The following EPN1 variants were observed in gnomAD, a reference collection of about 807,000 sequenced individuals.
The protein encoded by EPN1 is epsin 1, also known as epsin-1.
A neutral mutation model predicts 56.9 loss-of-function variants in EPN1; 25 were observed. The ratio of observed to expected loss-of-function variants is 0.44; its 90% CI spans 0.32 to 0.61. EPN1 has a LOEUF of 0.61. Ranked by LOEUF, EPN1 falls within the 20% of genes least tolerant of loss-of-function variation. The probability of loss-of-function intolerance (pLI) is 0.05; values close to 1 mark genes in which losing one functional copy is unlikely to be tolerated. For missense variants in EPN1, 785 were observed against 823.7 expected (o/e 0.95, Z 0.58); for synonymous variants, 411 against 361.8 (o/e 1.14, Z -1.54).
rs761301947 is a variant in EPN1 at position 55,691,966 on chromosome 19, C to T, written c.975C>T (p.Ala325=). The part of the protein sequence containing the change: ...PASGDPWRPA[A]PAGPSVDPWG... The stretch of plus-strand genomic sequence containing the variant: ...CTGGGGACCCCTGGAGGCCTGCTGC[C>T]CCTGCAGGACCCTCAGTTGACCCTT... The change falls in exon 7 of 11, where the codon GCC becomes GCT. Residue 325 remains alanine (A), a synonymous_variant. Transcript: ENST00000270460. The surrounding 1 kb of genome is among the most constrained non-coding windows in gnomAD (Gnocchi z 5.6). The T allele has an allele frequency of 8.5e-5, 128 of 1,509,592 alleles. No individual in the cohort carries two copies. In the East Asian group the frequency reaches 3.0e-3, roughly 35 times the overall value. 93.5% of individuals were successfully genotyped at this position (1,509,592 alleles called of 1,614,324 possible). A position where few individuals can be genotyped will look rare whatever the true frequency, so the allele number is the denominator to read the frequency against.
intron 7 of EPN1, among the ~76,000 whole-genome samples, chr19:55,692,364 C>G (rs1986616105): frequency 6.6e-6 from 1 of 150,406 alleles, no homozygotes; most frequent in Non-Finnish European, 1.5e-5. Flanking sequence ...GTGGGTGGAG[C>G]TGGGAGGTGC....
intron 3 of EPN1, among the ~76,000 whole-genome samples, chr19:55,686,315 C>T (rs1236310191): frequency 1.3e-5 from 2 of 152,164 alleles, no homozygotes; most frequent in African/African-American, 2.4e-5. Context: ...GGCTCACAGC[C>T]GTGAAGAGGC....
intron 2 of EPN1, among the ~76,000 whole-genome samples, chr19:55,679,894 G>A (rs892815503): frequency 6.6e-6 from 1 of 152,210 alleles, no homozygotes; most frequent in African/African-American, 2.4e-5. Flanking sequence ...GGAGGTGCAG[G>A]TGAGCCTCTC....
At chr19:55,686,714 G>C (rs1332554121) in intron 3 of EPN1, among the ~76,000 whole-genome samples, 2 of 152,124 alleles carry the variant, frequency 1.3e-5, no homozygotes, top group Admixed American at 6.5e-5. Context: ...GTGAAGTGGA[G>C]GGAAGGAAGC....
intron 6 of EPN1, 67 bp downstream of exon 6, chr19:55,690,017 G>A: frequency 7.1e-7 from 1 of 1,412,064 alleles, no homozygotes; most frequent in Non-Finnish European, 9.7e-7. Flanking sequence ...GCTCATTCCT[G>A]CGTGGCCAGG....
chr19:55,677,124 T>A, intron 1 of EPN1: 1 of 1,550,718 alleles, frequency 6.4e-7, no homozygotes, highest in South Asian at 1.2e-5. Context: ...GCTTACATCA[T>A]GGCGGGGCTT....
At chr19:55,688,757 G>T in intron 3 of EPN1, 113 bp from the exon 4 acceptor site, 1 of 1,450,486 alleles carries the variant, frequency 6.9e-7, no homozygotes, top group South Asian at 1.3e-5. Flanking sequence ...GTTGTAGGGT[G>T]GGGGACTTGG....
At chr19:55,678,906 G>A (rs925812214) in intron 2 of EPN1, 51 bp downstream of exon 2, 5 of 1,348,820 alleles carry the variant, frequency 3.7e-6, no homozygotes, top group Non-Finnish European at 5.2e-6. Context: ...CAGGTGGGAG[G>A]ACAGGAGCCC....
Position 55,697,229 on chromosome 19 carries a change from TGGG to T in EPN1, c.*1876_*1878del, listed in dbSNP as rs1324034621. 6.6e-6 allele frequency: 1 copy of T among 151,976 alleles called. No individual in the cohort carries two copies. Among genetic ancestry groups the T allele is most frequent in the Non-Finnish European group, 1.5e-5 (1 of 68,004 alleles). The allele number at this position is 151,976 out of a possible 1,614,324, so 9.4% of individuals were successfully genotyped here. A position where few individuals can be genotyped will look rare whatever the true frequency, so the allele number is the denominator to read the frequency against. On this transcript the variant is annotated 3_prime_UTR_variant, in exon 11 of 11. Coordinates refer to ENST00000270460, the MANE Select transcript of EPN1 (RefSeq NM_001130072.2). ...ACCCTGCTGCTCTAGGCGGTTGTGA[TGGG>T]GGAGCCCCACAGGGCACAGAGAGCC...
In EPN1 at chr19:55,698,016, C is replaced by G. The variant is rs181648643; in HGVS notation, c.*2660C>G. 3.3e-5 allele frequency: 5 copies of G among 151,084 alleles called. No individual in the cohort carries two copies. Among genetic ancestry groups the G allele is most frequent in the Non-Finnish European group, 7.4e-5 (5 of 67,906 alleles). 9.4% of individuals were successfully genotyped at this position (151,084 alleles called of 1,614,324 possible). ...TCACTAAGAGCAAACCTCAGGGGTC[C>G]GGGGGTTTTCGGCTAAACCCACCTA... On this transcript the variant is annotated 3_prime_UTR_variant, in exon 11 of 11. Coordinates refer to ENST00000270460, the MANE Select transcript of EPN1 (RefSeq NM_001130072.2).
At position 55,695,703 on chromosome 19, in the gene EPN1, C is replaced by G. The variant is rs774219702; in HGVS notation, c.*347C>G. On this transcript the variant is annotated 3_prime_UTR_variant, in exon 11 of 11. Coordinates refer to ENST00000270460, the MANE Select transcript of EPN1 (RefSeq NM_001130072.2). The surrounding 1 kb of genome is among the most constrained non-coding windows in gnomAD (Gnocchi z 4.4). ...CCTCACGCACCCGCTCACGCACCCT[C>G]GGTGAATCCTTGGTGATGATTTTGG... The G allele has an allele frequency of 3.5e-6, 1 of 283,032 alleles. No individual in the cohort carries two copies. The highest frequency in any genetic ancestry group is 6.6e-5 in the East Asian group (1 of 15,038). The allele number at this position is 283,032 out of a possible 1,614,324, so 17.5% of individuals were successfully genotyped here.
chr19:55,682,062 T>TC (rs1184009173), intron 2 of EPN1, among the ~76,000 whole-genome samples: 1 of 152,044 alleles, frequency 6.6e-6, no homozygotes, highest in Non-Finnish European at 1.5e-5. Flanking sequence ...TGCCTTGGCT[T>TC]CCCAAAGGGC....
Position 55,703,201 on chromosome 19 carries a change from C to T in EPN1, c.*7845C>T, listed in dbSNP as rs1987232953. 1 of 152,316 alleles carries T rather than the reference C, an allele frequency of 6.6e-6. No individual in the cohort carries two copies. Among genetic ancestry groups the T allele is most frequent in the Non-Finnish European group, 1.5e-5 (1 of 68,182 alleles). 9.4% of individuals were successfully genotyped at this position (152,316 alleles called of 1,614,324 possible). A position where few individuals can be genotyped will look rare whatever the true frequency, so the allele number is the denominator to read the frequency against. On this transcript the variant is annotated 3_prime_UTR_variant, in exon 11 of 11. Transcript: ENST00000270460. ...AATGGAGGGGAGGGCGTGTGTGTGG[C>T]CACGTGTGTTTCTGTCCTGGACAAC...
At position 55,696,327 on chromosome 19, in the gene EPN1, C is replaced by A. The variant is rs530583392; in HGVS notation, c.*971C>A. ...AGACTATCCGGGAGAATCCTCGGGC[C>A]GCCTTGTGAGGGGGGTGTTGCTGTC... On this transcript the variant is annotated 3_prime_UTR_variant, in exon 11 of 11. Transcript: ENST00000270460. 6.6e-6 allele frequency: 1 copy of A among 152,346 alleles called. No homozygotes were observed. The highest frequency in any genetic ancestry group is 1.5e-5 in the Non-Finnish European group (1 of 68,188). 9.4% of individuals were successfully genotyped at this position (152,346 alleles called of 1,614,324 possible). A position where few individuals can be genotyped will look rare whatever the true frequency, so the allele number is the denominator to read the frequency against.
At chr19:55,684,041 A>T (rs1568568656) in intron 2 of EPN1, among the ~76,000 whole-genome samples, 1 of 152,192 alleles carries the variant, frequency 6.6e-6, no homozygotes, top group Non-Finnish European at 1.5e-5. Flanking sequence ...TTGGGGTGTG[A>T]TCAGGCATAG....
chr19:55,692,689 G>A lies in EPN1; in HGVS notation c.1070G>A (p.Gly357Glu), dbSNP rs1177791923. ...ATGCTCTTCTGTCCTCACCCAGGTG[G>A]GGTCCCGGTCAGTGGGCCCTCAGCC... Reference protein sequence around the residue: ...TPDPWGSSDGGVPVSGPSASD... With the variant: ...TPDPWGSSDGEVPVSGPSASD... The change falls in exon 8 of 11, where the codon GGG (glycine) becomes GAG (glutamate). Residue 357 changes from glycine (G) to glutamate (E), a missense_variant. By Grantham distance (98) the Gly-to-Glu change is moderately conservative (BLOSUM62 -2). Transcript: ENST00000270460. 3.3e-6 allele frequency: 5 copies of A among 1,537,136 alleles called. No individual in the cohort carries two copies. Among genetic ancestry groups the A allele is most frequent in the African/African-American group, 1.4e-5 (1 of 72,814 alleles).
At position 55,703,541 on chromosome 19, in the gene EPN1, C is replaced by T. The variant is rs1183844352; in HGVS notation, c.*8185C>T. 2 of 152,188 alleles carry T rather than the reference C, an allele frequency of 1.3e-5. No homozygotes were observed. Among genetic ancestry groups the T allele is most frequent in the African/African-American group, 4.8e-5 (2 of 41,426 alleles). The allele number at this position is 152,188 out of a possible 1,614,324, so 9.4% of individuals were successfully genotyped here. A position where few individuals can be genotyped will look rare whatever the true frequency, so the allele number is the denominator to read the frequency against. On this transcript the variant is annotated 3_prime_UTR_variant, in exon 11 of 11. Transcript: ENST00000270460. ...GTTTCACCACGTTGGCCAGGCTGGTCTGGAACTCCTGACCTCAGGTGATCC... is the reference window on the plus strand; with the variant it reads ...GTTTCACCACGTTGGCCAGGCTGGTTTGGAACTCCTGACCTCAGGTGATCC...
rs1431862522 is a variant in EPN1 at position 55,701,269 on chromosome 19, C to G, written c.*5913C>G. On this transcript the variant is annotated 3_prime_UTR_variant, in exon 11 of 11. Coordinates refer to ENST00000270460, the MANE Select transcript of EPN1 (RefSeq NM_001130072.2). The stretch of plus-strand genomic sequence containing the variant: ...TTCGAGACCAGCCTGGCCAACATGG[C>G]GAAACCCCGTCTCTACTAAAAATAC... 1 of 150,382 alleles carries G rather than the reference C, an allele frequency of 6.6e-6. No homozygotes were observed. The highest frequency in any genetic ancestry group is 2.5e-5 in the African/African-American group (1 of 40,456). The allele number at this position is 150,382 out of a possible 1,614,324, so 9.3% of individuals were successfully genotyped here. A position where few individuals can be genotyped will look rare whatever the true frequency, so the allele number is the denominator to read the frequency against.
chr19:55,686,870 A>G (rs917772629), intron 3 of EPN1, among the ~76,000 whole-genome samples: 1 of 149,876 alleles, frequency 6.7e-6, no homozygotes, highest in Non-Finnish European at 1.5e-5. Flanking sequence ...AGTAGCTCGG[A>G]GGAGAGTGGG....
Sources: gnomAD v4.1 joint callset for allele counts (sites outside exome capture counted in the v4.1 genomes callset) on GRCh38, gnomAD v4.1.1 for gene constraint, Gnocchi (gnomAD v3.1) non-coding constraint, MANE v1.5 for transcripts, NCBI Gene and HGNC (gene_info 2026-07-23, HGNC 2026-07-21) for gene names.